The following MAPT variants were observed in gnomAD, a reference collection of about 807,000 sequenced individuals.
MAPT encodes microtubule-associated protein tau.
Under a neutral mutation model 67.9 loss-of-function variants are expected in MAPT, and 34 were observed. The ratio of observed to expected loss-of-function variants is 0.50; its 90% CI spans 0.38 to 0.67. MAPT has a LOEUF of 0.67. MAPT is among the 30% of genes least tolerant of loss of function. The pLI, the probability that MAPT is intolerant of heterozygous loss-of-function variation, is 0.00. For synonymous variants in MAPT, 456 were observed against 464.5 expected (o/e 0.98, Z 0.23); for missense variants, 881 against 1,115.2 (o/e 0.79, Z 2.99).
intron 1 of MAPT, among the ~76,000 whole-genome samples, chr17:45,955,894 C>T (rs911190830): frequency 3.3e-5 from 5 of 152,164 alleles, no homozygotes; most frequent in African/African-American, 1.2e-4. Context: ...CTCCACCATG[C>T]CCGGCTAATT....
chr17:45,907,354 C>T (rs920634145), intron 1 of MAPT, among the ~76,000 whole-genome samples: 6 of 152,208 alleles, frequency 3.9e-5, no homozygotes, highest in African/African-American at 7.2e-5. Flanking sequence ...AGAGGCTACG[C>T]GTTTCCTCTC....
Position 45,928,354 on chromosome 17 carries a change from C to T in MAPT, c.-18+33668C>T, listed in dbSNP as rs1347769129. On this transcript the variant is annotated intron_variant, in intron 1 of 12. Coordinates refer to ENST00000262410, the MANE Select transcript of MAPT (RefSeq NM_001377265.1). ...GCTAACTTGTGCCCATCCTTCAGGTCTCAGCAGAAACATCACTTCCTTGGG... is the reference window on the plus strand; with the variant it reads ...GCTAACTTGTGCCCATCCTTCAGGTTTCAGCAGAAACATCACTTCCTTGGG... Among the ~76,000 whole-genome samples, 4 of 152,190 alleles carry T rather than the reference C, an allele frequency of 2.6e-5. No individual in the cohort carries two copies. The South Asian group carries it at 8.3e-4, about 32-fold the overall frequency.
intron 1 of MAPT, among the ~76,000 whole-genome samples, chr17:45,924,683 G>T (rs888506077): frequency 6.6e-6 from 1 of 152,182 alleles, no homozygotes; most frequent in African/African-American, 2.4e-5. Flanking sequence ...GGCTGCTCCT[G>T]CCCACTTGGA....
intron 1 of MAPT, among the ~76,000 whole-genome samples, chr17:45,941,031 C>T (rs543816404): frequency 1.3e-5 from 2 of 152,080 alleles, no homozygotes; most frequent in South Asian, 2.1e-4. Flanking sequence ...AGGAGTTCCT[C>T]GAGTCAATTG....
chr17:46,000,836 C>T (rs1428180644), intron 9 of MAPT, among the ~76,000 whole-genome samples: 2 of 152,228 alleles, frequency 1.3e-5, no homozygotes, highest in African/African-American at 4.8e-5. Flanking sequence ...CCAGGCCAGC[C>T]CCTGGTTCCC....
chr17:45,932,275 G>C (rs1450442134), intron 1 of MAPT, among the ~76,000 whole-genome samples: 1 of 151,976 alleles, frequency 6.6e-6, no homozygotes, highest in East Asian at 1.9e-4. Context: ...CCAGAAGCAA[G>C]CTGGAAATTC....
intron 1 of MAPT, among the ~76,000 whole-genome samples, chr17:45,923,901 T>C (rs772089217): frequency 4.6e-5 from 7 of 152,190 alleles, no homozygotes; most frequent in East Asian, 1.9e-4. Flanking sequence ...ATCTGTAAGA[T>C]TGGAGCAATG....
intron 1 of MAPT, among the ~76,000 whole-genome samples, chr17:45,958,980 T>C (rs1390645829): frequency 1.3e-5 from 2 of 152,150 alleles, no homozygotes; most frequent in African/African-American, 4.8e-5. Context: ...GGAGAATTGC[T>C]TGAACACGGG....
chr17:45,935,872 T>C (rs951803074), intron 1 of MAPT, among the ~76,000 whole-genome samples: 5 of 152,168 alleles, frequency 3.3e-5, no homozygotes, highest in African/African-American at 1.2e-4. Flanking sequence ...TCCTCTCAGC[T>C]CCAGCAACCT....
intron 1 of MAPT, among the ~76,000 whole-genome samples, chr17:45,926,948 CATATATGTGTATATATAT>C (rs1568180175): frequency 1.1e-4 from 12 of 107,486 alleles, no homozygotes; most frequent in Admixed American, 9.0e-4. Context: ...CATATATATA[CATATATGTGTATATATAT>C]ACATATATGT....
Position 45,906,095 on chromosome 17 carries a change from G to A in MAPT, c.-18+11409G>A, listed in dbSNP as rs2064289768. Among the ~76,000 whole-genome samples, 1 of 152,176 alleles carries A rather than the reference G, an allele frequency of 6.6e-6. No homozygotes were observed. The highest frequency in any genetic ancestry group is 6.5e-5 in the Admixed American group (1 of 15,272). Reference sequence around the variant, plus strand: ...AGCCCAGCCTGCACTGATCTTGTCTGTCCCCTTCTTTGGAAGGAAGGAGCC... The same window carrying A: ...AGCCCAGCCTGCACTGATCTTGTCTATCCCCTTCTTTGGAAGGAAGGAGCC... On this transcript the variant is annotated intron_variant, in intron 1 of 12. Transcript: ENST00000262410. The surrounding 1 kb of genome is among the most constrained non-coding windows in gnomAD (Gnocchi z 4.3).
At chr17:45,990,514 GC>G (rs1326781037) in intron 7 of MAPT, 1 of 450,400 alleles carries the variant, frequency 2.2e-6, no homozygotes, top group Non-Finnish European at 4.4e-6. Flanking sequence ...TACTCGGGAG[GC>G]TGAGGCACAA....
At chr17:46,005,161 T>G (rs879789030) in intron 9 of MAPT, among the ~76,000 whole-genome samples, 9 of 152,250 alleles carry the variant, frequency 5.9e-5, no homozygotes, top group Non-Finnish European at 1.2e-4. Flanking sequence ...TTAATTTCTT[T>G]AATGGATTAG....
chr17:45,965,382 A>G (rs971361285), intron 2 of MAPT, among the ~76,000 whole-genome samples: 6 of 151,424 alleles, frequency 4.0e-5, no homozygotes, highest in Non-Finnish European at 7.4e-5. Context: ...GTGAGCCAAG[A>G]TCGTGCCACT....
chr17:45,989,867 TTA>T lies in MAPT; in HGVS notation c.1408-9_1408-8del, dbSNP rs748336737. On this transcript the variant is annotated splice_polypyrimidine_tract_variant and intron_variant, in intron 6 of 12. Coordinates refer to ENST00000262410, the MANE Select transcript of MAPT (RefSeq NM_001377265.1). ...ACTTTTATTTTGATTTTATTTATGTTTATGTTTAAGACATCCACACGTTCCTC... is the reference window on the plus strand; with the variant it reads ...ACTTTTATTTTGATTTTATTTATGTTTGTTTAAGACATCCACACGTTCCTC... 1 of 1,612,682 alleles carries T rather than the reference TTA, an allele frequency of 6.2e-7. No homozygotes were observed. Among genetic ancestry groups the T allele is most frequent in the East Asian group, 2.2e-5 (1 of 44,870 alleles).
chr17:45,908,797 TC>T (rs1462708151), intron 1 of MAPT, among the ~76,000 whole-genome samples: 20 of 152,042 alleles, frequency 1.3e-4, no homozygotes, highest in Admixed American at 1.2e-3. Flanking sequence ...CCTCCCACGT[TC>T]TCCTCCACAT....
chr17:45,919,611 G>A (rs558792658), intron 1 of MAPT, among the ~76,000 whole-genome samples: 58 of 152,326 alleles, frequency 3.8e-4, no homozygotes, highest in African/African-American at 1.3e-3. Flanking sequence ...TTAAAGCTCA[G>A]AAGGGCTTAA....
chr17:45,957,613 G>A (rs2069885420), intron 1 of MAPT, among the ~76,000 whole-genome samples: 2 of 152,174 alleles, frequency 1.3e-5, no homozygotes, highest in South Asian at 2.1e-4. Flanking sequence ...AATCATCCAC[G>A]TGTTGATGGG....
chr17:45,909,309 G>T (rs1053626046), intron 1 of MAPT, among the ~76,000 whole-genome samples: 1 of 152,172 alleles, frequency 6.6e-6, no homozygotes, highest in Non-Finnish European at 1.5e-5. Flanking sequence ...TCCTAAGACT[G>T]CCACCTTCCA....
Sources: gnomAD v4.1 joint callset for allele counts (sites outside exome capture counted in the v4.1 genomes callset) on GRCh38, gnomAD v4.1.1 for gene constraint, Gnocchi (gnomAD v3.1) non-coding constraint, MANE v1.5 for transcripts, NCBI Gene and HGNC (gene_info 2026-07-23, HGNC 2026-07-21) for gene names.